TMPRSS11F: variants seen among roughly 807,000 people sequenced by gnomAD.
TMPRSS11F encodes transmembrane protease serine 11F.
A neutral mutation model predicts 60.2 loss-of-function variants in TMPRSS11F; 47 were observed. The observed-to-expected ratio is 0.78, with a 90% CI of 0.62 to 1.00. The LOEUF is 1.00. TMPRSS11F is among the 50% of genes least tolerant of loss of function. TMPRSS11F has a pLI of 0.00. For synonymous variants in TMPRSS11F, 166 were observed against 167.3 expected (o/e 0.99, Z 0.06); for missense variants, 519 against 522.9 (o/e 0.99, Z 0.07).
chr4:68,114,892 A>G (rs1265165973), intron 1 of TMPRSS11F, among the ~76,000 whole-genome samples: 2 of 151,788 alleles, frequency 1.3e-5, no homozygotes, highest in East Asian at 3.9e-4. Context: ...TAGTATTTAC[A>G]GACCAAAAAA....
intron 3 of TMPRSS11F, among the ~76,000 whole-genome samples, chr4:68,088,781 A>C (rs912227273): frequency 6.6e-6 from 1 of 152,118 alleles, no homozygotes; most frequent in Admixed American, 6.6e-5. Flanking sequence ...TGACAGCAAT[A>C]TCAAGATGCA....
In TMPRSS11F at chr4:68,056,195, A is replaced by C. The variant is rs556834385; in HGVS notation, c.1159-2128T>G. Among the ~76,000 whole-genome samples, 11 of 152,326 alleles carry C rather than the reference A, an allele frequency of 7.2e-5. No individual in the cohort carries two copies. The South Asian group carries it at 2.3e-3, about 32-fold the overall frequency. ...TCGCTAGAGAAATTAGGCAAGAGAA[A>C]GAAATAGAAGACATTCTAATAGAAA... is the stretch of plus-strand genomic sequence containing the variant. On this transcript the variant is annotated intron_variant, in intron 9 of 9. Coordinates refer to ENST00000356291, the MANE Select transcript of TMPRSS11F (RefSeq NM_207407.2).
intron 9 of TMPRSS11F, among the ~76,000 whole-genome samples, chr4:68,056,430 C>CA (rs1194059648): frequency 2.9e-3 from 251 of 87,178 alleles, no homozygotes; most frequent in East Asian, 4.2e-3. Context: ...ACAATAGCAA[C>CA]AAAAAAAAAA....
chr4:68,070,734 ATGTT>A (rs1723442301), intron 5 of TMPRSS11F, among the ~76,000 whole-genome samples: 2 of 152,080 alleles, frequency 1.3e-5, no homozygotes, highest in African/African-American at 4.8e-5. Flanking sequence ...GCTACATTAG[ATGTT>A]TGTTGGGTTA....
chr4:68,118,738 A>G (rs1724572469), intron 1 of TMPRSS11F, among the ~76,000 whole-genome samples: 1 of 152,204 alleles, frequency 6.6e-6, no homozygotes, highest in Admixed American at 6.5e-5. Flanking sequence ...CAATTAACAT[A>G]ATAAAAAATG....
intron 1 of TMPRSS11F, among the ~76,000 whole-genome samples, chr4:68,113,414 T>TAAAA (rs35420726): frequency 6.8e-6 from 1 of 146,336 alleles, no homozygotes. Flanking sequence ...ATGAAAAATG[T>TAAAA]AAAAAAAAAA....
At chr4:68,060,816 A>T (rs1405854303) in intron 8 of TMPRSS11F, among the ~76,000 whole-genome samples, 1 of 151,948 alleles carries the variant, frequency 6.6e-6, no homozygotes, top group Admixed American at 6.6e-5. Flanking sequence ...AAAATACAGA[A>T]TTTCACGGTC....
intron 1 of TMPRSS11F, among the ~76,000 whole-genome samples, chr4:68,111,043 G>A (rs1310853637): frequency 1.3e-5 from 2 of 152,104 alleles, no homozygotes; most frequent in Non-Finnish European, 2.9e-5. Context: ...CCTTATTTAG[G>A]CTGAAGTCCA....
At chr4:68,125,658 T>A (rs2109892800) in intron 1 of TMPRSS11F, among the ~76,000 whole-genome samples, 1 of 152,250 alleles carries the variant, frequency 6.6e-6, no homozygotes, top group Admixed American at 6.5e-5. Flanking sequence ...AAATATTCAT[T>A]CACTACCCTA....
chr4:68,069,765 T>C (rs918855262), intron 6 of TMPRSS11F, among the ~76,000 whole-genome samples: 8 of 152,124 alleles, frequency 5.3e-5, no homozygotes, highest in Non-Finnish European at 4.4e-5. Flanking sequence ...TCGTAGGTCA[T>C]ATAAACTTAG....
chr4:68,067,818 A>C (rs929573249), intron 7 of TMPRSS11F, among the ~76,000 whole-genome samples: 2 of 152,234 alleles, frequency 1.3e-5, no homozygotes, highest in African/African-American at 4.8e-5. Context: ...AATAAGGTGC[A>C]GGGTGCAGAA....
intron 8 of TMPRSS11F, among the ~76,000 whole-genome samples, chr4:68,060,763 A>G (rs1353786252): frequency 6.6e-6 from 1 of 151,882 alleles, no homozygotes; most frequent in Non-Finnish European, 1.5e-5. Context: ...TTTTTCTTAT[A>G]ATTCATGTGT....
At chr4:68,105,927 C>T (rs1450276446) in intron 1 of TMPRSS11F, among the ~76,000 whole-genome samples, 1 of 151,856 alleles carries the variant, frequency 6.6e-6, no homozygotes, top group East Asian at 1.9e-4. Context: ...AAATCTTGAT[C>T]TATAGTCTGA....
intron 1 of TMPRSS11F, among the ~76,000 whole-genome samples, chr4:68,123,351 A>G (rs1305191749): frequency 6.6e-6 from 1 of 152,182 alleles, no homozygotes; most frequent in Non-Finnish European, 1.5e-5. Flanking sequence ...AAGAAATCTA[A>G]GTCTATGTCA....
At chr4:68,080,731 T>G (rs541614275) in intron 3 of TMPRSS11F, 2 of 152,160 alleles carry the variant, frequency 1.3e-5, no homozygotes, top group African/African-American at 2.4e-5. Context: ...TCCTTATGAA[T>G]TTTTTTCTGA....
chr4:68,098,352 C>CAT, intron 2 of TMPRSS11F, among the ~76,000 whole-genome samples: 1 of 152,092 alleles, frequency 6.6e-6, no homozygotes, highest in African/African-American at 2.4e-5. Flanking sequence ...GTAAATGAAT[C>CAT]TTAGTTGATT....
chr4:68,087,106 A>G (rs1190928884), intron 3 of TMPRSS11F, among the ~76,000 whole-genome samples: 2 of 152,188 alleles, frequency 1.3e-5, no homozygotes, highest in African/African-American at 2.4e-5. Context: ...TTATAAACAT[A>G]GATGCAAACA....
chr4:68,070,053 C>T lies in TMPRSS11F; in HGVS notation c.515-46G>A, dbSNP rs769471710. On this transcript the variant is annotated intron_variant, in intron 5 of 9. Transcript: ENST00000356291. ...ATTAGTTGGCAGAAGAATATATTCC[C>T]ATTTTCATGTTGTGTTGTTCAACTG... is the stretch of plus-strand genomic sequence containing the variant. The T allele has an allele frequency of 3.9e-6, 6 of 1,534,270 alleles. No individual in the cohort carries two copies. In the East Asian group the frequency reaches 1.4e-4, roughly 35 times the overall value.
chr4:68,116,023 T>C (rs1724512436), intron 1 of TMPRSS11F, among the ~76,000 whole-genome samples: 1 of 152,148 alleles, frequency 6.6e-6, no homozygotes. Context: ...TTCAAAATTA[T>C]TTTGGCTTTT....
Sources: allele counts gnomAD v4.1 joint callset (sites outside exome capture counted in the v4.1 genomes callset), GRCh38; gene constraint gnomAD v4.1.1; transcripts MANE v1.5; gene names NCBI Gene and HGNC (gene_info 2026-07-23, HGNC 2026-07-21).